Variants in BCKDHB observed in about 807,000 individuals in gnomAD.
The protein encoded by BCKDHB is branched chain keto acid dehydrogenase E1 subunit beta, also known as 2-oxoisovalerate dehydrogenase subunit beta, mitochondrial.
A neutral mutation model predicts 48.5 loss-of-function variants in BCKDHB; 41 were observed. The ratio of observed to expected loss-of-function variants is 0.85; its 90% confidence interval spans 0.66 to 1.10. BCKDHB has a LOEUF of 1.10. Among genes scored for constraint, BCKDHB ranks in the 50% least tolerant of loss-of-function variants. The pLI is 0.00. For synonymous variants in BCKDHB, 201 were observed against 174.8 expected, an observed-to-expected ratio of 1.15 and a Z score of -1.18; for missense variants, 496 against 494.2, an observed-to-expected ratio of 1.00 and a Z score of -0.03.
the BCKDHB span, among the ~76,000 whole-genome samples, chr6:80,440,565 G>A: frequency 6.6e-6 from 1 of 151,344 alleles, no homozygotes; most frequent in East Asian, 1.9e-4. Flanking sequence ...CACCCCACAT[G>A]CCCATGTTTG....
chr6:80,349,354 C>T (rs997302453), downstream of BCKDHB, among the ~76,000 whole-genome samples: 2 of 152,060 alleles, frequency 1.3e-5, no homozygotes, highest in African/African-American at 4.8e-5. Flanking sequence ...ACGGGCCGGG[C>T]ACCGGGCTAG....
chr6:80,328,393 T>C (rs1279790388), intron 9 of BCKDHB, among the ~76,000 whole-genome samples: 2 of 152,214 alleles, frequency 1.3e-5, no homozygotes, highest in Non-Finnish European at 2.9e-5. Flanking sequence ...TGATAACAGA[T>C]TCAGGACAAG....
At chr6:80,282,050 C>A (rs1453217648) in intron 9 of BCKDHB, among the ~76,000 whole-genome samples, 2 of 152,014 alleles carry the variant, frequency 1.3e-5, no homozygotes, top group Non-Finnish European at 2.9e-5. Context: ...AAAACAATGA[C>A]AAATGAGAAT....
chr6:80,387,750 G>T, the BCKDHB span, among the ~76,000 whole-genome samples: 1 of 152,180 alleles, frequency 6.6e-6, no homozygotes, highest in Non-Finnish European at 1.5e-5. Context: ...CTACCTCAAG[G>T]GTATATCAAC....
the BCKDHB span, among the ~76,000 whole-genome samples, chr6:80,430,811 C>T: frequency 2.0e-5 from 3 of 151,708 alleles, no homozygotes; most frequent in African/African-American, 7.3e-5. Context: ...TTTTGTGTCT[C>T]TATCTCCTTC....
At chr6:80,376,960 A>G in the BCKDHB span, among the ~76,000 whole-genome samples, 10 of 151,912 alleles carry the variant, frequency 6.6e-5, no homozygotes, top group Admixed American at 6.6e-4. Context: ...TATCAGATAT[A>G]TGATCTGAAA....
At chr6:80,194,431 G>A (rs926360205) in intron 6 of BCKDHB, among the ~76,000 whole-genome samples, 3 of 152,054 alleles carry the variant, frequency 2.0e-5, no homozygotes, top group Non-Finnish European at 4.4e-5. Context: ...TTCCAATTTC[G>A]TTAATTGCCC....
intron 8 of BCKDHB, among the ~76,000 whole-genome samples, chr6:80,256,601 A>T (rs994366702): frequency 6.6e-6 from 1 of 152,174 alleles, no homozygotes; most frequent in Non-Finnish European, 1.5e-5. Flanking sequence ...CAAATTCATA[A>T]AATCATCCAT....
At chr6:80,391,249 G>A in the BCKDHB span, among the ~76,000 whole-genome samples, 2 of 151,824 alleles carry the variant, frequency 1.3e-5, no homozygotes, top group South Asian at 2.1e-4. Context: ...TGGTGTAGTG[G>A]GTTGAATGGT....
At chr6:80,385,682 G>T in the BCKDHB span, among the ~76,000 whole-genome samples, 1 of 152,166 alleles carries the variant, frequency 6.6e-6, no homozygotes, top group East Asian at 1.9e-4. Flanking sequence ...ACCTCTATTT[G>T]CTTCTAGACC....
chr6:80,428,819 G>T, the BCKDHB span, among the ~76,000 whole-genome samples: 1 of 152,120 alleles, frequency 6.6e-6, no homozygotes, highest in East Asian at 1.9e-4. Context: ...CATGCTGTGG[G>T]TTGCCTGTTC....
intron 9 of BCKDHB, chr6:80,307,826 A>T (rs1170549075): frequency 2.4e-5 from 24 of 984,776 alleles, no homozygotes; most frequent in Non-Finnish European, 2.9e-5. Context: ...TTCAAATGGA[A>T]TGTGTCTATA....
chr6:80,223,373 T>C (rs1351851511), intron 8 of BCKDHB, among the ~76,000 whole-genome samples: 1 of 152,222 alleles, frequency 6.6e-6, no homozygotes, highest in African/African-American at 2.4e-5. Flanking sequence ...GCTTTGCTTC[T>C]AATCATTAAT....
chr6:80,341,073 T>C (rs1249211033), intron 9 of BCKDHB, among the ~76,000 whole-genome samples: 1 of 152,208 alleles, frequency 6.6e-6, no homozygotes, highest in African/African-American at 2.4e-5. Context: ...TTTCAAGCTG[T>C]TTCAGTCAGT....
At chr6:80,146,221 A>T (rs1771481329) in intron 3 of BCKDHB, among the ~76,000 whole-genome samples, 1 of 152,154 alleles carries the variant, frequency 6.6e-6, no homozygotes, top group Admixed American at 6.6e-5. Context: ...CTAAAATTTT[A>T]AAGATGTGGT....
chr6:80,131,144 A>G lies in BCKDHB; in HGVS notation c.343+1915A>G, dbSNP rs72908804. ...CTGTCTGGGGCATTTTATCGATGCC[A>G]TCTGCTGCTCATACACTGGTGACTC... On this transcript the variant is annotated intron_variant, in intron 3 of 9. Coordinates refer to ENST00000320393, the MANE Select transcript of BCKDHB (RefSeq NM_183050.4). Among the ~76,000 whole-genome samples the G allele has an allele frequency of 2.7e-3, 405 of 152,256 alleles. 1 individual carries two copies. Among genetic ancestry groups the G allele is most frequent in the Non-Finnish European group, 4.7e-3 (318 of 68,000 alleles).
At chr6:80,296,077 C>T (rs769773260) in intron 9 of BCKDHB, among the ~76,000 whole-genome samples, 5 of 152,164 alleles carry the variant, frequency 3.3e-5, no homozygotes, top group Non-Finnish European at 7.4e-5. Flanking sequence ...TCTATTAGTT[C>T]AGTTCATGCA....
At chr6:80,129,547 A>G (rs1379796377) in intron 3 of BCKDHB, among the ~76,000 whole-genome samples, 2 of 152,136 alleles carry the variant, frequency 1.3e-5, no homozygotes, top group Non-Finnish European at 2.9e-5. Context: ...GCCAATTTCA[A>G]TTCCATTGCC....
At chr6:80,128,796 G>T (rs75485537) in intron 2 of BCKDHB, among the ~76,000 whole-genome samples, 1 of 151,994 alleles carries the variant, frequency 6.6e-6, no homozygotes, top group Admixed American at 6.6e-5. Flanking sequence ...TCTCAACTGG[G>T]GATGATCTTA....
Sources: gnomAD v4.1 joint callset for allele counts (sites outside exome capture counted in the v4.1 genomes callset) on GRCh38, gnomAD v4.1.1 for gene constraint, MANE v1.5 for transcripts, NCBI Gene and HGNC (gene_info 2026-07-23, HGNC 2026-07-21) for gene names.